The following HECW2 variants were observed in gnomAD, a reference collection of about 807,000 sequenced individuals.
The protein encoded by HECW2 is E3 ubiquitin-protein ligase HECW2.
A neutral mutation model predicts 175.2 loss-of-function variants in HECW2; 61 were observed. That is an observed-to-expected ratio of 0.35 (90% CI 0.28 to 0.43). The LOEUF is 0.43. HECW2 is among the 20% of genes least tolerant of loss of function. HECW2 has a pLI of 1.00. For missense variants in HECW2, 1,524 were observed against 2,000.5 expected (o/e 0.76, Z 4.54); for synonymous variants, 671 against 731.0 (o/e 0.92, Z 1.32).
intron 2 of HECW2, among the ~76,000 whole-genome samples, chr2:196,410,925 A>G (rs192008627): frequency 1.3e-5 from 2 of 152,294 alleles, no homozygotes; most frequent in East Asian, 3.9e-4. Flanking sequence ...CAGCCCACCG[A>G]GAAGATACAT....
chr2:196,368,004 C>G (rs1027605155), intron 2 of HECW2, among the ~76,000 whole-genome samples: 1 of 151,738 alleles, frequency 6.6e-6, no homozygotes, highest in Admixed American at 6.6e-5. Flanking sequence ...ATATATATCA[C>G]ATTTTCTTTT....
intron 17 of HECW2, among the ~76,000 whole-genome samples, chr2:196,258,605 T>C (rs1689160841): frequency 6.6e-6 from 1 of 152,200 alleles, no homozygotes; most frequent in Admixed American, 6.5e-5. Context: ...TTTTTTCTTT[T>C]TTGTTTGATG....
intron 1 of HECW2, among the ~76,000 whole-genome samples, chr2:196,570,904 G>A (rs1019142174): frequency 2.6e-5 from 4 of 152,130 alleles, no homozygotes; most frequent in South Asian, 2.1e-4. Flanking sequence ...TTTGCTTCAC[G>A]GACTTATGTT....
At chr2:196,540,176 G>A (rs1235165976) in intron 1 of HECW2, among the ~76,000 whole-genome samples, 1 of 152,026 alleles carries the variant, frequency 6.6e-6, no homozygotes, top group African/African-American at 2.4e-5. Flanking sequence ...CAAATGTTTT[G>A]TACTTTTCCT....
At position 196,457,144 on chromosome 2, in the gene HECW2, T is replaced by C. The variant is rs143336808; in HGVS notation, c.-35-23686A>G. Reference sequence around the variant, plus strand: ...TATGAAATTCTATATGTTGAGCTGCTGATACGTTTTGGAGAGATACTACAC... The same window carrying C: ...TATGAAATTCTATATGTTGAGCTGCCGATACGTTTTGGAGAGATACTACAC... On this transcript the variant is annotated intron_variant, in intron 1 of 28. Transcript: ENST00000644978. 7.7e-3 allele frequency among the ~76,000 whole-genome samples: 1,173 copies of C among 152,322 alleles called. 17 individuals carry two copies. Among genetic ancestry groups the C allele is most frequent in the Middle Eastern group, 0.017 (5 of 294 alleles).
At chr2:196,551,670 C>T (rs73989991) in intron 1 of HECW2, among the ~76,000 whole-genome samples, 7,654 of 152,192 alleles carry the variant, frequency 0.05, 639 homozygotes, top group African/African-American at 0.17. Flanking sequence ...CATCTAAATA[C>T]AGTATCTGAT....
Position 196,210,614 on chromosome 2 carries a change from C to A in HECW2, c.4607+5251G>T, listed in dbSNP as rs916632563. Among the ~76,000 whole-genome samples, 17 of 151,406 alleles carry A rather than the reference C, an allele frequency of 1.1e-4. 1 individual carries two copies. The highest frequency in any genetic ancestry group is 4.1e-4 in the African/African-American group (17 of 41,210). ...TCTTTTTATAAATTAGAATAAAAAG[C>A]AGATTTTTTTTTCTTTTGAGATGGA... On this transcript the variant is annotated intron_variant, in intron 28 of 28. Coordinates refer to ENST00000644978, the MANE Select transcript of HECW2 (RefSeq NM_001348768.2).
intron 1 of HECW2, among the ~76,000 whole-genome samples, chr2:196,548,462 A>G (rs1486485618): frequency 6.6e-6 from 1 of 152,202 alleles, no homozygotes; most frequent in Non-Finnish European, 1.5e-5. Flanking sequence ...CTATTATATT[A>G]AACAAAAGCT....
chr2:196,512,207 C>T (rs1332748003), intron 1 of HECW2, among the ~76,000 whole-genome samples: 1 of 152,162 alleles, frequency 6.6e-6, no homozygotes, highest in African/African-American at 2.4e-5. Flanking sequence ...CGGGGCCAAA[C>T]ATAAGAGATT....
chr2:196,371,509 CTGGTCCATGAAT>C (rs1016558782), intron 2 of HECW2, among the ~76,000 whole-genome samples: 2 of 152,198 alleles, frequency 1.3e-5, no homozygotes, highest in Admixed American at 1.3e-4. Flanking sequence ...TGGGTAAGTG[CTGGTCCATGAAT>C]TGGTTGTTTA....
intron 1 of HECW2, among the ~76,000 whole-genome samples, chr2:196,508,802 A>G (rs1168974320): frequency 6.6e-6 from 1 of 152,160 alleles, no homozygotes; most frequent in Non-Finnish European, 1.5e-5. Flanking sequence ...CTTTCCTTTC[A>G]GAGTCTCTTT....
chr2:196,284,703 G>A (rs1185992519), intron 14 of HECW2, among the ~76,000 whole-genome samples: 1 of 152,178 alleles, frequency 6.6e-6, no homozygotes, highest in Non-Finnish European at 1.5e-5. Context: ...CACAGGAAAT[G>A]CTACCTAGTT....
chr2:196,540,707 G>A (rs535705658), intron 1 of HECW2, among the ~76,000 whole-genome samples: 258 of 152,194 alleles, frequency 1.7e-3, no homozygotes, highest in African/African-American at 6.1e-3. Context: ...AAAGCTCTGG[G>A]TTTATAAGCA....
chr2:196,575,104 A>T (rs1336897311), intron 1 of HECW2, among the ~76,000 whole-genome samples: 2 of 150,866 alleles, frequency 1.3e-5, no homozygotes, highest in Non-Finnish European at 3.0e-5. Context: ...AAAAAAAAAA[A>T]AGGCAAAGAT....
At chr2:196,581,037 A>C (rs181420551) in intron 1 of HECW2, among the ~76,000 whole-genome samples, 11 of 152,366 alleles carry the variant, frequency 7.2e-5, no homozygotes, top group Admixed American at 7.2e-4. Context: ...TGAAAGATGC[A>C]GTCACAAAAG....
chr2:196,195,091 T>C lies in HECW2; in HGVS notation c.*6186A>G, dbSNP rs1406482723. 6.6e-6 allele frequency: 1 copy of C among 152,244 alleles called. No homozygotes were observed. The highest frequency in any genetic ancestry group is 1.5e-5 in the Non-Finnish European group (1 of 68,046). 9.4% of individuals were successfully genotyped at this position (152,244 alleles called of 1,614,324 possible). A position where few individuals can be genotyped will look rare whatever the true frequency, so the allele number is the denominator to read the frequency against. On this transcript the variant is annotated 3_prime_UTR_variant, in exon 29 of 29. Coordinates refer to ENST00000644978, the MANE Select transcript of HECW2 (RefSeq NM_001348768.2). Reference sequence around the variant, plus strand: ...CCAACATATTAACAGCCCCAAATTTTACTTATGCTATCATATAAAGAAAAA... The same window carrying C: ...CCAACATATTAACAGCCCCAAATTTCACTTATGCTATCATATAAAGAAAAA...
chr2:196,471,116 C>A (rs1471224708), intron 1 of HECW2, among the ~76,000 whole-genome samples: 2 of 151,554 alleles, frequency 1.3e-5, no homozygotes, highest in East Asian at 3.9e-4. Flanking sequence ...CAATAAAGTA[C>A]ACATCTTACA....
chr2:196,491,367 TATACACACACACACACAC>T (rs1208791312), intron 1 of HECW2, among the ~76,000 whole-genome samples: 31 of 95,754 alleles, frequency 3.2e-4, no homozygotes, highest in African/African-American at 1.1e-3. Flanking sequence ...ATCATATATA[TATACACACACACACACAC>T]ACACACACAC....
At chr2:196,271,647 G>A (rs939831539) in intron 16 of HECW2, among the ~76,000 whole-genome samples, 2 of 152,154 alleles carry the variant, frequency 1.3e-5, no homozygotes, top group African/African-American at 2.4e-5. Flanking sequence ...GCTCACGCCT[G>A]TAACCCCAGC....
Sources: gnomAD v4.1 joint callset for allele counts (sites outside exome capture counted in the v4.1 genomes callset) on GRCh38, gnomAD v4.1.1 for gene constraint, MANE v1.5 for transcripts, NCBI Gene and HGNC (gene_info 2026-07-23, HGNC 2026-07-21) for gene names.